Variants in ASIC2 observed in about 807,000 individuals in gnomAD.
ASIC2 encodes the protein acid sensing ion channel subunit 2.
In ASIC2, 25 loss-of-function variants were observed where a neutral mutation model predicts 57.3. The ratio of observed to expected loss-of-function variants is 0.44; its 90% CI spans 0.32 to 0.61. ASIC2 has a LOEUF of 0.61. Ranked by LOEUF, ASIC2 falls within the 20% of genes least tolerant of loss-of-function variation. The pLI is 0.06. For missense variants in ASIC2, 641 were observed against 738.1 expected (o/e 0.87, Z 1.52); for synonymous variants, 319 against 307.5 (o/e 1.04, Z -0.39).
chr17:33,057,462 T>G (rs190738326), intron 3 of ASIC2, among the ~76,000 whole-genome samples: 4 of 152,338 alleles, frequency 2.6e-5, no homozygotes, highest in Admixed American at 2.0e-4. Context: ...TTCCTAACTG[T>G]CCAGGGAGGT....
intron 1 of ASIC2, among the ~76,000 whole-genome samples, chr17:33,277,811 G>A (rs901991604): frequency 1.3e-5 from 2 of 152,094 alleles, no homozygotes; most frequent in African/African-American, 2.4e-5. Flanking sequence ...AGGAAAGTTC[G>A]GCCTAAGGAC....
Position 33,291,623 on chromosome 17 carries a change from G to T in ASIC2, c.493C>A (p.Arg165Ser). ...GHWLGLLLPN[R>S]TARPLVSELL... Reference sequence around the variant, plus strand: ...TCGCTGACAAGCGGGCGCGCGGTGCGGTTGGGCAGCAGCAGCCCGAGCCAG... The same window carrying T: ...TCGCTGACAAGCGGGCGCGCGGTGCTGTTGGGCAGCAGCAGCCCGAGCCAG... Residue 165 changes from arginine (R) to serine (S), a missense_variant, in exon 1 of 10, where the codon CGC becomes AGC. Transcript: ENST00000225823. 1.2e-6 allele frequency: 2 copies of T among 1,608,948 alleles called. No individual in the cohort carries two copies. Among genetic ancestry groups the T allele is most frequent in the Non-Finnish European group, 8.5e-7 (1 of 1,178,188 alleles).
chr17:33,663,975 G>C (rs1907386928), intron 1 of ASIC2, among the ~76,000 whole-genome samples: 1 of 152,120 alleles, frequency 6.6e-6, no homozygotes, highest in Admixed American at 6.5e-5. Context: ...TGCTTTTACT[G>C]TTGCTTTTCC....
At chr17:33,047,830 C>A (rs7214574) in intron 3 of ASIC2, among the ~76,000 whole-genome samples, 33,115 of 152,086 alleles carry the variant, frequency 0.22, 3,852 homozygotes, top group East Asian at 0.36. Flanking sequence ...GCTGCCCTTC[C>A]TAGATGTAAT....
At chr17:33,546,052 G>C (rs943215782) in intron 1 of ASIC2, among the ~76,000 whole-genome samples, 1 of 151,802 alleles carries the variant, frequency 6.6e-6, no homozygotes, top group South Asian at 2.1e-4. Flanking sequence ...GAAGCATAAT[G>C]CTCATTCTGG....
chr17:33,336,757 A>G (rs1907529977), intron 1 of ASIC2, among the ~76,000 whole-genome samples: 1 of 152,146 alleles, frequency 6.6e-6, no homozygotes, highest in Non-Finnish European at 1.5e-5. Flanking sequence ...CTCTCTGGCT[A>G]GACTCCGACT....
intron 1 of ASIC2, among the ~76,000 whole-genome samples, chr17:33,359,312 T>C (rs979775454): frequency 2.0e-5 from 3 of 152,254 alleles, no homozygotes; most frequent in Admixed American, 2.0e-4. Flanking sequence ...TAGGTAGCAC[T>C]GATTCTCAGT....
At chr17:33,262,617 G>T (rs1909325539) in intron 1 of ASIC2, among the ~76,000 whole-genome samples, 1 of 152,112 alleles carries the variant, frequency 6.6e-6, no homozygotes, top group Non-Finnish European at 1.5e-5. Flanking sequence ...ATCCCAAAGG[G>T]TCATTCACAC....
intron 1 of ASIC2, among the ~76,000 whole-genome samples, chr17:33,510,697 C>A (rs1367355455): frequency 6.6e-6 from 1 of 152,178 alleles, no homozygotes; most frequent in Non-Finnish European, 1.5e-5. Flanking sequence ...ACCGAGCCCC[C>A]ATTCACACTG....
chr17:33,086,034 C>G (rs2092132812), intron 3 of ASIC2, among the ~76,000 whole-genome samples: 1 of 152,176 alleles, frequency 6.6e-6, no homozygotes, highest in Non-Finnish European at 1.5e-5. Context: ...GGAATATGTT[C>G]TATTTCCTCA....
intron 1 of ASIC2, among the ~76,000 whole-genome samples, chr17:34,098,714 G>A (rs1401603407): frequency 6.6e-6 from 1 of 151,698 alleles, no homozygotes; most frequent in African/African-American, 2.4e-5. Context: ...GCATCATTAG[G>A]GTGAGACTGT....
chr17:33,486,933 G>C (rs1913593442), intron 1 of ASIC2, among the ~76,000 whole-genome samples: 1 of 152,210 alleles, frequency 6.6e-6, no homozygotes, highest in Non-Finnish European at 1.5e-5. Flanking sequence ...GAGATGCGCA[G>C]CACCCAACCA....
intron 1 of ASIC2, among the ~76,000 whole-genome samples, chr17:33,832,091 A>C (rs1369209821): frequency 2.0e-5 from 3 of 152,160 alleles, no homozygotes; most frequent in Non-Finnish European, 2.9e-5. Context: ...TCTTATCATC[A>C]CCTCAACTGC....
At chr17:33,683,130 G>T (rs1330691809) in intron 1 of ASIC2, among the ~76,000 whole-genome samples, 1 of 152,106 alleles carries the variant, frequency 6.6e-6, no homozygotes, top group Non-Finnish European at 1.5e-5. Flanking sequence ...CCTGGGTTCT[G>T]GATTCTGGCT....
intron 1 of ASIC2, among the ~76,000 whole-genome samples, chr17:33,325,044 C>G (rs114972693): frequency 2.0e-5 from 3 of 152,126 alleles, no homozygotes; most frequent in Non-Finnish European, 4.4e-5. Context: ...TGATGCTTTC[C>G]GCCTGACATG....
chr17:33,162,348 C>T (rs536911736), intron 1 of ASIC2, among the ~76,000 whole-genome samples: 13 of 152,168 alleles, frequency 8.5e-5, no homozygotes, highest in South Asian at 2.1e-4. Flanking sequence ...CAAAAAGCAT[C>T]GCCACATAAA....
At chr17:33,079,545 T>C (rs768821977) in intron 3 of ASIC2, among the ~76,000 whole-genome samples, 16 of 152,016 alleles carry the variant, frequency 1.1e-4, no homozygotes, top group Non-Finnish European at 1.8e-4. Flanking sequence ...CATCCTGTGG[T>C]TCATGAGGGA....
At chr17:33,099,272 C>T (rs1213534184) in intron 2 of ASIC2, among the ~76,000 whole-genome samples, 1 of 152,156 alleles carries the variant, frequency 6.6e-6, no homozygotes, top group African/African-American at 2.4e-5. Flanking sequence ...CTGCCTCAGC[C>T]TCCCAAAGTG....
At chr17:34,074,426 C>T (rs1159405248) in intron 1 of ASIC2, among the ~76,000 whole-genome samples, 4 of 152,126 alleles carry the variant, frequency 2.6e-5, no homozygotes, top group African/African-American at 9.7e-5. Context: ...ATTCCAAACC[C>T]CACATTATTG....
Sources: gnomAD v4.1 joint callset for allele counts (sites outside exome capture counted in the v4.1 genomes callset) on GRCh38, gnomAD v4.1.1 for gene constraint, MANE v1.5 for transcripts, NCBI Gene and HGNC (gene_info 2026-07-23, HGNC 2026-07-21) for gene names.